Variants in IRS2 observed in about 807,000 individuals in gnomAD.
IRS2 encodes insulin receptor substrate 2.
In IRS2, 28 loss-of-function variants were observed where a neutral mutation model predicts 70.9. The ratio of observed to expected loss-of-function variants is 0.39; its 90% CI spans 0.29 to 0.54. IRS2 has a LOEUF of 0.54. IRS2 is among the 20% of genes least tolerant of loss of function. The pLI is 0.59. For missense variants in IRS2, 2,081 were observed against 2,024.1 expected, an observed-to-expected ratio of 1.03 and a Z score of -0.54; for synonymous variants, 1,217 against 981.9, an observed-to-expected ratio of 1.24 and a Z score of -4.48.
In IRS2 at chr13:109,785,969, G is replaced by GGTTGTTGTT; in HGVS notation, c.76_84dup (p.Asn26_Asn28dup). Reference sequence around the variant, plus strand: ...AGGTAGCCGCACTTGCGCACGCTGTGGTTGTTGTTGTTGTTGTTGTTGTTG... The same window carrying GGTTGTTGTT: ...AGGTAGCCGCACTTGCGCACGCTGTGGTTGTTGTTGTTGTTGTTGTTGTTGTTGTTGTTG... On this transcript the variant is annotated inframe_insertion, in exon 1 of 2. Transcript: ENST00000375856. The surrounding 1 kb of genome is among the most constrained non-coding windows in gnomAD (Gnocchi z 9.3). 4 of 1,491,110 alleles carry GGTTGTTGTT rather than the reference G, an allele frequency of 2.7e-6. No homozygotes were observed. The highest frequency in any genetic ancestry group is 1.8e-6 in the Non-Finnish European group (2 of 1,126,204). The allele number at this position is 1,491,110 out of a possible 1,614,324, so 92.4% of individuals were successfully genotyped here.
In IRS2 at chr13:109,755,966, A is replaced by ATT; in HGVS notation, c.*337_*338insAA. On this transcript the variant is annotated 3_prime_UTR_variant, in exon 2 of 2. Coordinates refer to ENST00000375856, the MANE Select transcript of IRS2 (RefSeq NM_003749.3). ...ATATCTGCTTTGCCAAAAGGAAAAG[A>ATT]AGAAGAAATTAAAAGACACTGGCCA... The ATT allele has an allele frequency of 2.5e-6, 1 of 399,778 alleles. No homozygotes were observed. The highest frequency in any genetic ancestry group is 3.9e-5 in the Admixed American group (1 of 25,810). 24.8% of individuals were successfully genotyped at this position (399,778 alleles called of 1,614,324 possible). A position where few individuals can be genotyped will look rare whatever the true frequency, so the allele number is the denominator to read the frequency against.
At chr13:109,758,845 AAG>A (rs1877163864) in intron 1 of IRS2, among the ~76,000 whole-genome samples, 1 of 132,634 alleles carries the variant, frequency 7.5e-6, no homozygotes, top group Non-Finnish European at 1.7e-5. Flanking sequence ...AAAAAAAAAA[AAG>A]AAGGAAAGGG....
At chr13:109,766,565 T>C (rs34051813) in intron 1 of IRS2, among the ~76,000 whole-genome samples, 42 of 50,264 alleles carry the variant, frequency 8.4e-4, no homozygotes, top group South Asian at 3.0e-3. Flanking sequence ...CTCATCCACC[T>C]TGGCTCCAAC....
intron 1 of IRS2, among the ~76,000 whole-genome samples, chr13:109,781,132 T>C (rs1877685843): frequency 6.6e-6 from 1 of 152,194 alleles, no homozygotes; most frequent in African/African-American, 2.4e-5. Context: ...CCTAGCCATC[T>C]CATGTTTCAC....
In IRS2 at chr13:109,783,745, G is replaced by T. The variant is rs755626807; in HGVS notation, c.2309C>A (p.Ser770Tyr). The change falls in exon 1 of 2, where the codon TCC becomes TAC. Residue 770 changes from serine (S) to tyrosine (Y), a missense_variant. Ser to Tyr is a moderately radical substitution (Grantham distance 144, BLOSUM62 -2). This residue lies in a region of IRS2 where 1,615 missense variants were observed against 1,459.5 expected (regional missense o/e 1.11). Coordinates refer to ENST00000375856, the MANE Select transcript of IRS2 (RefSeq NM_003749.3). ...LLPNGDYLNV[S>Y]PSDAVTTGTP... ...GCCCGTGGTGACCGCGTCGCTGGGG[G>T]ACACGTTGAGGTAGTCCCCGTTGGG... The T allele has an allele frequency of 1.1e-4, 179 of 1,588,668 alleles. No individual in the cohort carries two copies. Among genetic ancestry groups the T allele is most frequent in the African/African-American group, 2.0e-4 (15 of 74,424 alleles).
intron 1 of IRS2, among the ~76,000 whole-genome samples, chr13:109,757,607 C>T (rs1054125245): frequency 1.3e-5 from 2 of 152,126 alleles, no homozygotes; most frequent in Admixed American, 6.5e-5. Flanking sequence ...AAATACTTGT[C>T]AATATACAAA....
chr13:109,780,904 G>A (rs1284882255), intron 1 of IRS2, among the ~76,000 whole-genome samples: 2 of 152,090 alleles, frequency 1.3e-5, no homozygotes, highest in Non-Finnish European at 2.9e-5. Context: ...AGTTTAGACA[G>A]CCAGAATGCA....
chr13:109,780,317 T>C (rs139564107), intron 1 of IRS2, among the ~76,000 whole-genome samples: 214 of 152,350 alleles, frequency 1.4e-3, no homozygotes, highest in Non-Finnish European at 2.5e-3. Flanking sequence ...CTGTGTCTTA[T>C]AAGGCAGCTA....
At position 109,782,969 on chromosome 13, in the gene IRS2, G is replaced by A. The variant is rs1219694011; in HGVS notation, c.3085C>T (p.Leu1029=). ...GCCGGCGGCGGTGGCGGCGGCTGCA[G>A]AGACGACGACGGGGACGCGGACGGA... ...PRPSASPSSS[L]QPPPPPPAPG... Residue 1029 remains leucine (L), a synonymous_variant, in exon 1 of 2, where the codon CTG becomes TTG. Coordinates refer to ENST00000375856, the MANE Select transcript of IRS2 (RefSeq NM_003749.3). The A allele has an allele frequency of 1.4e-6, 2 of 1,420,776 alleles. No homozygotes were observed. The highest frequency in any genetic ancestry group is 1.8e-6 in the Non-Finnish European group (2 of 1,092,152). The allele number at this position is 1,420,776 out of a possible 1,614,324, so 88.0% of individuals were successfully genotyped here. A position where few individuals can be genotyped will look rare whatever the true frequency, so the allele number is the denominator to read the frequency against.
chr13:109,767,891 C>T (rs190199040), intron 1 of IRS2, among the ~76,000 whole-genome samples: 14 of 152,216 alleles, frequency 9.2e-5, no homozygotes, highest in Non-Finnish European at 1.3e-4. Context: ...CGCCACCACA[C>T]CTAGCTAATT....
chr13:109,783,700 GAGA>G lies in IRS2; in HGVS notation c.2351_2353del (p.Phe784del), dbSNP rs755964603. The stretch of plus-strand genomic sequence containing the variant: ...CTCCCCGCCGGGGTGCAGGGCTGCG[GAGA>G]AGAAGTCGGGCGGGGTGCCCGTGGT... On this transcript the variant is annotated inframe_deletion, in exon 1 of 2. Transcript: ENST00000375856. 1.3e-4 allele frequency: 202 copies of G among 1,566,492 alleles called. No individual in the cohort carries two copies. The highest frequency in any genetic ancestry group is 1.7e-4 in the Middle Eastern group (1 of 6,002).
chr13:109,782,935 T>C lies in IRS2; in HGVS notation c.3119A>G (p.Glu1040Gly). The change falls in exon 1 of 2, where the codon GAG becomes GGG. Residue 1040 changes from glutamate to glycine, a missense_variant. Glu to Gly is a moderately conservative substitution (Grantham distance 98). Around this residue, in one of 4 missense-constraint regions of IRS2, gnomAD observed 1,615 missense variants for 1,459.5 expected, o/e 1.11. Coordinates refer to ENST00000375856, the MANE Select transcript of IRS2 (RefSeq NM_003749.3). ...CGAGGCGGGGGGCAGGCGGTACAGC[T>C]CCCCCGGGGCCGGCGGCGGTGGCGG... Reference protein sequence around the residue: ...QPPPPPPAPGELYRLPPASAV... With the variant: ...QPPPPPPAPGGLYRLPPASAV... The C allele has an allele frequency of 6.7e-7, 1 of 1,486,856 alleles. No homozygotes were observed. Among genetic ancestry groups the C allele is most frequent in the Non-Finnish European group, 8.9e-7 (1 of 1,120,998 alleles). The allele number at this position is 1,486,856 out of a possible 1,614,324, so 92.1% of individuals were successfully genotyped here.
chr13:109,777,770 A>G (rs1257472673), intron 1 of IRS2, among the ~76,000 whole-genome samples: 1 of 152,264 alleles, frequency 6.6e-6, no homozygotes, highest in East Asian at 1.9e-4. Context: ...AAAGGTAATC[A>G]GAAGTTCAGT....
Position 109,784,437 on chromosome 13 carries a change from G to A in IRS2, c.1617C>T (p.Phe539=), listed in dbSNP as rs1013410965. ...GCCTGTCCATGGTCATGTACCCGTA[G>A]AACTCACCGCCGCCGCCGCCGTCTC... ...PARDGGGGGE[F]YGYMTMDRPL... The change falls in exon 1 of 2, where the codon TTC becomes TTT. Residue 539 remains phenylalanine (F), a synonymous_variant. Transcript: ENST00000375856. This position sits in a 1 kb window ranked among gnomAD's most constrained non-coding sequence, Gnocchi z 5.2. The A allele has an allele frequency of 1.3e-6, 2 of 1,594,086 alleles. No individual in the cohort carries two copies. Among genetic ancestry groups the A allele is most frequent in the East Asian group, 2.3e-5 (1 of 44,286 alleles).
rs2138935041 is a variant in IRS2, at chr13:109,784,181, A to G, written c.1873T>C (p.Tyr625His). 3 of 1,579,360 alleles carry G rather than the reference A, an allele frequency of 1.9e-6. No individual in the cohort carries two copies. Among genetic ancestry groups the G allele is most frequent in the South Asian group, 1.1e-5 (1 of 88,730 alleles). ...CCGTAGTCCTCTGGGTAGGGGTGGTAGGCCACCTTGGGAGAGGACGCGGGG... is the reference window on the plus strand; with the variant it reads ...CCGTAGTCCTCTGGGTAGGGGTGGTGGGCCACCTTGGGAGAGGACGCGGGG... ...SCPASSPKVA[Y>H]HPYPEDYGDI... Residue 625 changes from tyrosine (Y) to histidine (H), a missense_variant, in exon 1 of 2, where the codon TAC becomes CAC. Physicochemically the swap from Tyr to His is moderately conservative, Grantham distance 83. Around this residue, in one of 4 missense-constraint regions of IRS2, gnomAD observed 1,615 missense variants for 1,459.5 expected, o/e 1.11. Transcript: ENST00000375856. The surrounding 1 kb of genome is among the most constrained non-coding windows in gnomAD (Gnocchi z 5.2).
chr13:109,785,292 G>C lies in IRS2; in HGVS notation c.762C>G (p.Phe254Leu). ...CCGAGCGGCCCACCTCGATGAAGAAGAAGCTGTCCGAGTGGCCGCAGCGGC... is the reference window on the plus strand; with the variant it reads ...CCGAGCGGCCCACCTCGATGAAGAACAAGCTGTCCGAGTGGCCGCAGCGGC... ...NIRRCGHSDS[F>L]FFIEVGRSAV... Residue 254 changes from phenylalanine to leucine, a missense_variant, in exon 1 of 2, where the codon TTC becomes TTG. Coordinates refer to ENST00000375856, the MANE Select transcript of IRS2 (RefSeq NM_003749.3). This position sits in a 1 kb window ranked among gnomAD's most constrained non-coding sequence, Gnocchi z 9.3. 5 of 1,609,224 alleles carry C rather than the reference G, an allele frequency of 3.1e-6. No individual in the cohort carries two copies. Among genetic ancestry groups the C allele is most frequent in the Non-Finnish European group, 4.2e-6 (5 of 1,178,576 alleles).
At position 109,783,633 on chromosome 13, in the gene IRS2, G is replaced by A. The variant is rs371833656; in HGVS notation, c.2421C>T (p.Pro807=). The A allele has an allele frequency of 2.5e-5, 39 of 1,551,228 alleles. No individual in the cohort carries two copies. In the African/African-American group the frequency reaches 4.5e-4, roughly 18 times the overall value. Residue 807 remains proline, a synonymous_variant, in exon 1 of 2, where the codon CCC becomes CCT. Transcript: ENST00000375856. The part of the protein sequence containing the change: ...GVPGCCYSSL[P]RSYKAPYTCG... The stretch of plus-strand genomic sequence containing the variant: ...AGGTGTAGGGGGCCTTGTAGGAGCG[G>A]GGCAAGGAGCTGTAGCAGCAGCCGG...
chr13:109,762,785 C>T lies in IRS2; in HGVS notation c.4013-6477G>A, dbSNP rs147790135. Among the ~76,000 whole-genome samples the T allele has an allele frequency of 4.1e-3, 624 of 152,256 alleles. 3 individuals carry two copies. The highest frequency in any genetic ancestry group is 4.9e-3 in the Non-Finnish European group (334 of 68,024). On this transcript the variant is annotated intron_variant, in intron 1 of 1. Transcript: ENST00000375856. Reference sequence around the variant, plus strand: ...ATAGGTATTAAATTGAAGCGAAAACCCCATGTGGTTCATGCCATTTCTCAC... The same window carrying T: ...ATAGGTATTAAATTGAAGCGAAAACTCCATGTGGTTCATGCCATTTCTCAC...
In IRS2 at chr13:109,783,169, G is replaced by C; in HGVS notation, c.2885C>G (p.Thr962Ser). 1 of 1,381,862 alleles carries C rather than the reference G, an allele frequency of 7.2e-7. No homozygotes were observed. The highest frequency in any genetic ancestry group is 9.3e-7 in the Non-Finnish European group (1 of 1,073,874). The allele number at this position is 1,381,862 out of a possible 1,614,324, so 85.6% of individuals were successfully genotyped here. A position where few individuals can be genotyped will look rare whatever the true frequency, so the allele number is the denominator to read the frequency against. Residue 962 changes from threonine to serine, a missense_variant, in exon 1 of 2, where the codon ACC becomes AGC. Thr to Ser is a moderately conservative substitution (Grantham distance 58). Around this residue, in one of 4 missense-constraint regions of IRS2, gnomAD observed 1,615 missense variants for 1,459.5 expected, o/e 1.11. Transcript: ENST00000375856. ...SSPASSLGSGTPGTSSDSRQR... is the reference protein window; with the variant it reads ...SSPASSLGSGSPGTSSDSRQR... The stretch of plus-strand genomic sequence containing the variant: ...CCGGCTGTCGCTGCTGGTGCCCGGG[G>C]TGCCTGAGCCCAGCGACGAGGCCGG...
Sources: gnomAD v4.1 joint callset for allele counts (sites outside exome capture counted in the v4.1 genomes callset) on GRCh38, gnomAD v4.1.1 for gene constraint, gnomAD v4.1.1 regional missense constraint, Gnocchi (gnomAD v3.1) non-coding constraint, MANE v1.5 for transcripts, NCBI Gene and HGNC (gene_info 2026-07-23, HGNC 2026-07-21) for gene names.